Variants in GAS2 observed in about 807,000 individuals in gnomAD.
The protein encoded by GAS2 is growth arrest specific 2.
In GAS2, 20 loss-of-function variants were observed where a neutral mutation model predicts 37.5. That is an observed-to-expected ratio of 0.53 (90% CI 0.37 to 0.77). GAS2 has a LOEUF of 0.77. Ranked by LOEUF, GAS2 falls within the 30% of genes least tolerant of loss-of-function variation. The pLI is 0.00. For synonymous variants in GAS2, 144 were observed against 132.2 expected (o/e 1.09, Z -0.61); for missense variants, 336 against 373.4 (o/e 0.90, Z 0.82).
chr11:22,727,783 G>T (rs1342703342), intron 4 of GAS2, among the ~76,000 whole-genome samples: 3 of 151,926 alleles, frequency 2.0e-5, no homozygotes, highest in African/African-American at 4.8e-5. Flanking sequence ...GATAATACCT[G>T]TTTTTCAGTC....
intron 1 of GAS2, among the ~76,000 whole-genome samples, chr11:22,649,259 G>T (rs1848741859): frequency 6.6e-6 from 1 of 152,192 alleles, no homozygotes; most frequent in Non-Finnish European, 1.5e-5. Flanking sequence ...GCATCCCAGA[G>T]ATGAAACCCA....
chr11:22,731,191 T>A (rs756336788), intron 4 of GAS2: 4 of 219,638 alleles, frequency 1.8e-5, no homozygotes, highest in Non-Finnish European at 3.7e-5. Flanking sequence ...TCCTAGAAAT[T>A]TGTTTATTTT....
At chr11:22,648,273 A>C (rs1427046595) in intron 1 of GAS2, among the ~76,000 whole-genome samples, 2 of 151,986 alleles carry the variant, frequency 1.3e-5, no homozygotes, top group Non-Finnish European at 2.9e-5. Context: ...GTTCTGTTCC[A>C]TTGATCTATA....
chr11:22,674,207 ATTTTTTTATTTTT>A (rs760280590), intron 1 of GAS2, among the ~76,000 whole-genome samples: 39 of 13,314 alleles, frequency 2.9e-3, no homozygotes, highest in African/African-American at 4.4e-3. Flanking sequence ...CTTATCCTCT[ATTTTTTTATTTTT>A]TTTTTTTATT....
At chr11:22,752,408 C>A (rs572790283) in intron 6 of GAS2, among the ~76,000 whole-genome samples, 1 of 151,976 alleles carries the variant, frequency 6.6e-6, no homozygotes, top group Non-Finnish European at 1.5e-5. Flanking sequence ...GTAATCTGAG[C>A]TTCACTAATG....
chr11:22,774,072 C>T (rs147091649), intron 7 of GAS2, among the ~76,000 whole-genome samples: 5 of 152,332 alleles, frequency 3.3e-5, no homozygotes, highest in Non-Finnish European at 5.9e-5. Context: ...CGGCTCACTG[C>T]AACCTCCGCC....
intron 7 of GAS2, 57 bp from the exon 8 acceptor site, chr11:22,811,741 T>C: frequency 6.6e-7 from 1 of 1,514,776 alleles, no homozygotes; most frequent in Non-Finnish European, 9.2e-7. Flanking sequence ...CAGGGGTTGA[T>C]TCAAGGTACT....
rs142044915 is a variant in GAS2, at chr11:22,740,008, C to T, written c.473+2240C>T. 1.4e-4 allele frequency among the ~76,000 whole-genome samples: 22 copies of T among 151,950 alleles called. No individual in the cohort carries two copies. The South Asian group carries it at 2.7e-3, about 19-fold the overall frequency. The stretch of plus-strand genomic sequence containing the variant: ...TTAAATGAGCACGGTGATTAGGGAG[C>T]CCGCTGAATAAACATTTTAATTATA... On this transcript the variant is annotated intron_variant, in intron 5 of 7. Coordinates refer to ENST00000454584, the MANE Select transcript of GAS2 (RefSeq NM_001143830.3).
At chr11:22,700,099 AC>A (rs1255001792) in intron 3 of GAS2, among the ~76,000 whole-genome samples, 1 of 152,084 alleles carries the variant, frequency 6.6e-6, no homozygotes, top group East Asian at 1.9e-4. Context: ...TCTTTCTTGT[AC>A]CATACTGTTG....
At chr11:22,710,180 A>G (rs1851332777) in intron 3 of GAS2, among the ~76,000 whole-genome samples, 4 of 151,920 alleles carry the variant, frequency 2.6e-5, no homozygotes, top group Non-Finnish European at 4.4e-5. Context: ...TAAAAAAGGA[A>G]AAAACAAACA....
At chr11:22,783,773 C>T (rs1279676541) in intron 7 of GAS2, among the ~76,000 whole-genome samples, 2 of 152,152 alleles carry the variant, frequency 1.3e-5, no homozygotes. Flanking sequence ...AGGATTTTTA[C>T]AGTTTGAGAC....
chr11:22,698,502 C>T (rs939992163), intron 3 of GAS2, among the ~76,000 whole-genome samples: 9 of 151,920 alleles, frequency 5.9e-5, no homozygotes, highest in African/African-American at 2.2e-4. Flanking sequence ...AGAGGGAATC[C>T]TCCCTAACTC....
chr11:22,714,828 GC>G (rs1382775320), intron 3 of GAS2, among the ~76,000 whole-genome samples: 2 of 152,036 alleles, frequency 1.3e-5, no homozygotes, highest in African/African-American at 4.8e-5. Flanking sequence ...TAATAATGAT[GC>G]AACCAATTAA....
At chr11:22,710,207 C>G (rs933649458) in intron 3 of GAS2, among the ~76,000 whole-genome samples, 7 of 151,730 alleles carry the variant, frequency 4.6e-5, no homozygotes, top group Admixed American at 4.6e-4. Flanking sequence ...CAAACAAAAA[C>G]AACTTTTTTT....
intron 7 of GAS2, among the ~76,000 whole-genome samples, chr11:22,767,493 T>G (rs906684372): frequency 4.6e-5 from 7 of 152,074 alleles, no homozygotes; most frequent in Non-Finnish European, 1.0e-4. Flanking sequence ...TTTAACTTTC[T>G]GTAGACATCC....
chr11:22,714,399 A>T (rs1214154197), intron 3 of GAS2, among the ~76,000 whole-genome samples: 2 of 152,176 alleles, frequency 1.3e-5, no homozygotes, highest in Non-Finnish European at 2.9e-5. Flanking sequence ...CACATAGGAA[A>T]TGAGATAGGT....
chr11:22,723,886 C>A (rs926124710), intron 3 of GAS2, among the ~76,000 whole-genome samples: 1 of 151,652 alleles, frequency 6.6e-6, no homozygotes, highest in African/African-American at 2.4e-5. Context: ...TTGCCTACTA[C>A]TTTGATTTTT....
At chr11:22,732,683 T>C (rs375429890) in intron 4 of GAS2, among the ~76,000 whole-genome samples, 3 of 151,754 alleles carry the variant, frequency 2.0e-5, no homozygotes, top group South Asian at 4.2e-4. Context: ...TGAAAGTTTT[T>C]ATGTATCTTA....
At chr11:22,652,961 C>CTTTGTCTTTCTTTT (rs1848803876) in intron 1 of GAS2, among the ~76,000 whole-genome samples, 1 of 151,586 alleles carries the variant, frequency 6.6e-6, no homozygotes, top group Admixed American at 6.6e-5. Context: ...CTCTTTCTTT[C>CTTTGTCTTTCTTTT]TTTGTCTTTC....
Sources: allele counts gnomAD v4.1 joint callset (sites outside exome capture counted in the v4.1 genomes callset), GRCh38; gene constraint gnomAD v4.1.1; transcripts MANE v1.5; gene names NCBI Gene and HGNC (gene_info 2026-07-23, HGNC 2026-07-21).